PSTPIP2: variants seen among roughly 807,000 people sequenced by gnomAD.
The protein encoded by PSTPIP2 is proline-serine-threonine phosphatase-interacting protein 2.
Under a neutral mutation model 63.3 loss-of-function variants are expected in PSTPIP2, and 33 were observed. The ratio of observed to expected loss-of-function variants is 0.52; its 90% CI spans 0.40 to 0.70. The LOEUF is 0.70. Ranked by LOEUF, PSTPIP2 falls within the 30% of genes least tolerant of loss-of-function variation. The probability of loss-of-function intolerance (pLI) is 0.00; values close to 1 mark genes in which losing one functional copy is unlikely to be tolerated. For synonymous variants in PSTPIP2, 125 were observed against 132.7 expected, an observed-to-expected ratio of 0.94 and a Z score of 0.40; for missense variants, 312 against 400.7, an observed-to-expected ratio of 0.78 and a Z score of 1.89.
Position 45,988,736 on chromosome 18 carries a change from C to T in PSTPIP2, c.979G>A (p.Asp327Asn), listed in dbSNP as rs747712049. 4 of 1,566,222 alleles carry T rather than the reference C, an allele frequency of 2.6e-6. No homozygotes were observed. Among genetic ancestry groups the T allele is most frequent in the Non-Finnish European group, 2.6e-6 (3 of 1,136,832 alleles). ...SPDDPNYSLV[D>N]DYSLLYQ is the part of the protein sequence containing the mutation. ...TACTGATAGAGCAAACTGTAGTCAT[C>T]AACCAAAGAGTAATTGGGATCATCT... Residue 327 changes from aspartate to asparagine, a missense_variant, in exon 14 of 15, where the codon GAT (aspartate) becomes AAT (asparagine). Physicochemically the swap from Asp to Asn is conservative, Grantham distance 23. Coordinates refer to ENST00000409746, the MANE Select transcript of PSTPIP2 (RefSeq NM_024430.4).
At chr18:46,007,885 G>A (rs1185111267) in intron 5 of PSTPIP2, among the ~76,000 whole-genome samples, 1 of 152,134 alleles carries the variant, frequency 6.6e-6, no homozygotes, top group Non-Finnish European at 1.5e-5. Flanking sequence ...TGGACCCTGG[G>A]GCCCAAGAGG....
chr18:46,016,011 T>G (rs2051849616), intron 3 of PSTPIP2, 74 bp from the exon 4 acceptor site: 8 of 1,495,620 alleles, frequency 5.3e-6, no homozygotes, highest in African/African-American at 1.4e-5. Context: ...TGCCTTTGCA[T>G]GCTTCTCTCT....
intron 14 of PSTPIP2, 25 bp downstream of exon 14, chr18:45,988,677 T>C: frequency 1.3e-6 from 2 of 1,520,252 alleles, no homozygotes; most frequent in South Asian, 1.1e-5. Context: ...CATGACTCAA[T>C]TATGTGAAAA....
chr18:46,016,064 T>C (rs907779791), intron 3 of PSTPIP2, 127 bp from the exon 4 acceptor site: 11 of 1,079,492 alleles, frequency 1.0e-5, no homozygotes, highest in Middle Eastern at 2.1e-4. Flanking sequence ...TTTTTGCCCA[T>C]GAGCTAGAGA....
At chr18:46,055,744 C>T (rs574311514) in intron 1 of PSTPIP2, among the ~76,000 whole-genome samples, 2 of 152,322 alleles carry the variant, frequency 1.3e-5, no homozygotes, top group East Asian at 3.9e-4. Flanking sequence ...GTGAAAGATA[C>T]TGACACTTGA....
At chr18:46,000,080 A>G (rs1020595095) in intron 6 of PSTPIP2, among the ~76,000 whole-genome samples, 4 of 152,210 alleles carry the variant, frequency 2.6e-5, no homozygotes, top group African/African-American at 9.6e-5. Flanking sequence ...TCAAGGCTGC[A>G]GTGAGCTATG....
chr18:45,992,252 G>T, intron 10 of PSTPIP2, 50 bp from the exon 11 acceptor site: 1 of 1,444,538 alleles, frequency 6.9e-7, no homozygotes, highest in Non-Finnish European at 9.5e-7. Context: ...AGATCATTGT[G>T]ACACAGCTCC....
intron 1 of PSTPIP2, among the ~76,000 whole-genome samples, chr18:46,058,383 G>C (rs1908850267): frequency 6.6e-6 from 1 of 151,870 alleles, no homozygotes; most frequent in African/African-American, 2.4e-5. Flanking sequence ...TTGAGACAGA[G>C]TATCACTCTG....
intron 1 of PSTPIP2, among the ~76,000 whole-genome samples, chr18:46,057,764 G>A (rs998187921): frequency 3.9e-5 from 6 of 152,058 alleles, no homozygotes; most frequent in Non-Finnish European, 7.4e-5. Context: ...TTGGGAGGCC[G>A]AGGCAGGCGG....
At chr18:46,008,094 C>T (rs1242663463) in intron 5 of PSTPIP2, among the ~76,000 whole-genome samples, 1 of 152,152 alleles carries the variant, frequency 6.6e-6, no homozygotes, top group African/African-American at 2.4e-5. Context: ...AGACTTTCTG[C>T]TCAGACCAAA....
At chr18:45,988,667 CAT>C (rs758137832) in intron 14 of PSTPIP2, 33 bp downstream of exon 14, 12 of 1,504,134 alleles carry the variant, frequency 8.0e-6, no homozygotes, top group Middle Eastern at 1.7e-4. Flanking sequence ...CCAGTCTACA[CAT>C]GACTCAATTA....
chr18:46,035,428 AAAAAG>A (rs1417487681), intron 2 of PSTPIP2, among the ~76,000 whole-genome samples: 677 of 37,124 alleles, frequency 0.018, 9 homozygotes, highest in East Asian at 0.13. Context: ...TTAAAAAAAA[AAAAAG>A]AAAAGAGAGA....
At chr18:45,997,290 G>GCTAT (rs374662964) in intron 9 of PSTPIP2, among the ~76,000 whole-genome samples, 385 of 152,262 alleles carry the variant, frequency 2.5e-3, no homozygotes, top group African/African-American at 8.7e-3. Flanking sequence ...CCAGGTTCAA[G>GCTAT]CTATACTCCT....
intron 14 of PSTPIP2, 52 bp from the exon 15 acceptor site, chr18:45,985,502 ACT>A: frequency 8.9e-6 from 14 of 1,575,704 alleles, no homozygotes; most frequent in Non-Finnish European, 1.2e-5. Flanking sequence ...GCTTGTCAAT[ACT>A]CTCTCCTACC....
chr18:45,985,537 T>C, intron 14 of PSTPIP2, 87 bp from the exon 15 acceptor site: 1 of 1,439,114 alleles, frequency 6.9e-7, no homozygotes. Flanking sequence ...TCAACAAGAA[T>C]AAGGGTGCAG....
chr18:45,992,197 G>A lies in PSTPIP2; in HGVS notation c.747C>T (p.Tyr249=), dbSNP rs191266131. 126 of 1,576,698 alleles carry A rather than the reference G, an allele frequency of 8.0e-5. No homozygotes were observed. The African/African-American group carries it at 1.4e-3, about 18-fold the overall frequency. The change falls in exon 11 of 15, where the codon TAC becomes TAT. Residue 249 remains tyrosine (Y), a synonymous_variant. Transcript: ENST00000409746. ...TTTCTAAACTCTTTCGGACTTGTTC[G>A]TACATCTAATAAAAAAAGGTCAATT... The part of the protein sequence containing the change: ...SQQCVTSDEM[Y]EQVRKSLEMC...
intron 5 of PSTPIP2, among the ~76,000 whole-genome samples, chr18:46,008,379 C>T (rs1426088464): frequency 4.7e-5 from 7 of 149,238 alleles, no homozygotes; most frequent in Non-Finnish European, 7.4e-5. Context: ...AGTGCAGTGG[C>T]GTGATCTCTG....
intron 1 of PSTPIP2, among the ~76,000 whole-genome samples, chr18:46,060,476 G>A (rs1429299530): frequency 6.6e-6 from 1 of 152,184 alleles, no homozygotes. Context: ...ACAACAGGAA[G>A]CTCAAGTCCA....
chr18:45,988,623 T>C (rs983549694), intron 14 of PSTPIP2, 79 bp downstream of exon 14: 44 of 1,268,868 alleles, frequency 3.5e-5, no homozygotes, highest in Non-Finnish European at 3.4e-5. Context: ...GGTAGTGTTA[T>C]AAATAAGGTT....
Sources: allele counts gnomAD v4.1 joint callset (sites outside exome capture counted in the v4.1 genomes callset), GRCh38; gene constraint gnomAD v4.1.1; transcripts MANE v1.5; gene names NCBI Gene and HGNC (gene_info 2026-07-23, HGNC 2026-07-21).